The following RYR2 variants were observed in gnomAD, a reference collection of about 807,000 sequenced individuals.
The protein encoded by RYR2 is cardiac muscle ryanodine receptor-calcium release channel.
RYR2 carries 227 observed loss-of-function variants against 601.1 expected under a neutral mutation model. The ratio of observed to expected loss-of-function variants is 0.38; its 90% CI spans 0.34 to 0.42. The LOEUF is 0.42. Among genes scored for constraint, RYR2 ranks in the 10% least tolerant of loss-of-function variants. RYR2 has a pLI of 1.00. For missense variants in RYR2, 4,646 were observed against 6,156.5 expected, an observed-to-expected ratio of 0.75 and a Z score of 8.21; for synonymous variants, 2,223 against 2,175.1, an observed-to-expected ratio of 1.02 and a Z score of -0.61.
intron 2 of RYR2, among the ~76,000 whole-genome samples, chr1:237,272,255 G>A (rs1000084930): frequency 3.3e-5 from 5 of 152,068 alleles, no homozygotes; most frequent in African/African-American, 9.7e-5. Context: ...CTCCCTTACA[G>A]GTCAAAGTCC....
chr1:237,305,149 T>G (rs1015818183), intron 2 of RYR2, among the ~76,000 whole-genome samples: 13 of 152,218 alleles, frequency 8.5e-5, no homozygotes, highest in Admixed American at 7.2e-4. Flanking sequence ...TAGGTATATA[T>G]TCTAGCAAGA....
intron 1 of RYR2, among the ~76,000 whole-genome samples, chr1:237,127,240 G>A (rs1464256355): frequency 3.3e-5 from 5 of 151,448 alleles, no homozygotes; most frequent in Non-Finnish European, 5.9e-5. Flanking sequence ...CACCTTTCCC[G>A]CCTTTCTATT....
intron 3 of RYR2, among the ~76,000 whole-genome samples, chr1:237,343,731 C>A (rs1328272899): frequency 2.0e-5 from 3 of 151,774 alleles, no homozygotes; most frequent in African/African-American, 7.3e-5. Flanking sequence ...GGCTCTAAAG[C>A]TCCAGCATGG....
intron 11 of RYR2, among the ~76,000 whole-genome samples, chr1:237,421,296 G>A (rs1705547211): frequency 6.6e-6 from 1 of 152,114 alleles, no homozygotes; most frequent in African/African-American, 2.4e-5. Flanking sequence ...CATAGTATTT[G>A]CAAACAATAC....
intron 1 of RYR2, among the ~76,000 whole-genome samples, chr1:237,110,397 TA>T (rs1381686300): frequency 2.0e-5 from 3 of 151,616 alleles, no homozygotes; most frequent in Non-Finnish European, 2.9e-5. Flanking sequence ...GTATATCTCC[TA>T]ATGCTATCCC....
chr1:237,151,287 C>A (rs1005430949), intron 1 of RYR2, among the ~76,000 whole-genome samples: 5 of 152,030 alleles, frequency 3.3e-5, no homozygotes, highest in African/African-American at 4.8e-5. Context: ...AAACAGAAAC[C>A]GAGTATGTGC....
At chr1:237,298,691 A>G (rs1693051699) in intron 2 of RYR2, among the ~76,000 whole-genome samples, 1 of 152,042 alleles carries the variant, frequency 6.6e-6, no homozygotes, top group Admixed American at 6.6e-5. Flanking sequence ...TATATGACAG[A>G]AAAATATATT....
intron 50 of RYR2, among the ~76,000 whole-genome samples, chr1:237,650,968 T>G (rs1403722170): frequency 6.6e-6 from 1 of 152,250 alleles, no homozygotes; most frequent in Non-Finnish European, 1.5e-5. Context: ...TGTGTACATT[T>G]TCTCTCCCTT....
At chr1:237,508,816 C>T (rs1296677311) in intron 23 of RYR2, among the ~76,000 whole-genome samples, 1 of 141,910 alleles carries the variant, frequency 7.0e-6, no homozygotes, top group Non-Finnish European at 1.5e-5. Flanking sequence ...GATCTCGGCT[C>T]ACTGCAAGCT....
chr1:237,550,423 C>G, intron 26 of RYR2, 121 bp from the exon 27 acceptor site: 2 of 1,084,218 alleles, frequency 1.8e-6, no homozygotes, highest in Non-Finnish European at 2.7e-6. Context: ...TGGGAAGACG[C>G]ATGGATTGTG....
chr1:237,474,435 G>A (rs186518825), intron 17 of RYR2, among the ~76,000 whole-genome samples: 1 of 151,688 alleles, frequency 6.6e-6, no homozygotes, highest in African/African-American at 2.4e-5. Context: ...ATATGCCTGG[G>A]ACCACAGTGA....
intron 3 of RYR2, among the ~76,000 whole-genome samples, chr1:237,344,114 C>T (rs941913071): frequency 1.4e-4 from 22 of 152,320 alleles, no homozygotes; most frequent in African/African-American, 3.1e-4. Context: ...TGAGCCACCA[C>T]GCCTGGCCCC....
intron 1 of RYR2, among the ~76,000 whole-genome samples, chr1:237,051,822 G>T (rs182052291): frequency 1.3e-5 from 2 of 152,248 alleles, no homozygotes; most frequent in African/African-American, 4.8e-5. Context: ...GGGCAGGCTG[G>T]CTCTAGAACT....
Position 237,593,610 on chromosome 1 carries a change from A to G in RYR2, c.4410A>G (p.Gly1470=), listed in dbSNP as rs727503399. ...TTCGCACAGTAACAGTTACTCTAGG[A>G]GATGAAAAAGGAAAAGTGCATGAAA... ...DRVRTVTVTL[G]DEKGKVHESI... Residue 1470 remains glycine (G), a synonymous_variant, in exon 33 of 105, where the codon GGA becomes GGG. Coordinates refer to ENST00000366574, the MANE Select transcript of RYR2 (RefSeq NM_001035.3). 10 of 1,613,768 alleles carry G rather than the reference A, an allele frequency of 6.2e-6. No homozygotes were observed. The African/African-American group carries it at 1.3e-4, about 22-fold the overall frequency.
chr1:237,594,223 T>G (rs930608140), intron 33 of RYR2, among the ~76,000 whole-genome samples: 4 of 152,196 alleles, frequency 2.6e-5, no homozygotes, highest in Non-Finnish European at 4.4e-5. Flanking sequence ...AAGGCTATCT[T>G]CCTTGCAGAA....
At position 237,042,378 on chromosome 1, in the gene RYR2, C is replaced by A; in HGVS notation, c.-144C>A. The A allele has an allele frequency of 1.3e-6, 1 of 790,116 alleles. No individual in the cohort carries two copies. Among genetic ancestry groups the A allele is most frequent in the Non-Finnish European group, 1.7e-6 (1 of 605,670 alleles). 48.9% of individuals were successfully genotyped at this position (790,116 alleles called of 1,614,324 possible). ...TCCTCCTCCGCTCTGCAGGCGGGGA[C>A]CGCCCGGCGCTCGGCACCCGGCAGC... On this transcript the variant is annotated 5_prime_UTR_variant, in exon 1 of 105. Transcript: ENST00000366574.
At chr1:237,439,327 C>T (rs1572336340) in intron 12 of RYR2, among the ~76,000 whole-genome samples, 1 of 152,258 alleles carries the variant, frequency 6.6e-6, no homozygotes, top group African/African-American at 2.4e-5. Flanking sequence ...TTTTTTACCT[C>T]ACTCAAGGGT....
chr1:237,750,373 C>T (rs576660479), intron 80 of RYR2, among the ~76,000 whole-genome samples: 15 of 151,884 alleles, frequency 9.9e-5, no homozygotes, highest in African/African-American at 3.4e-4. Context: ...ATATTTGACT[C>T]CAAGCTTTCT....
At chr1:237,685,318 A>T (rs891039187) in intron 62 of RYR2, among the ~76,000 whole-genome samples, 5 of 152,172 alleles carry the variant, frequency 3.3e-5, no homozygotes, top group African/African-American at 1.2e-4. Flanking sequence ...CTCTTTGAGG[A>T]CCTTGCCTTC....
Sources: gnomAD v4.1 joint callset for allele counts (sites outside exome capture counted in the v4.1 genomes callset) on GRCh38, gnomAD v4.1.1 for gene constraint, MANE v1.5 for transcripts, NCBI Gene and HGNC (gene_info 2026-07-23, HGNC 2026-07-21) for gene names.